PUS1: variants seen among roughly 807,000 people sequenced by gnomAD.
PUS1 encodes the protein pseudouridylate synthase 1 homolog.
Under a neutral mutation model 38.5 loss-of-function variants are expected in PUS1, and 25 were observed. The observed-to-expected ratio is 0.65, with a 90% CI of 0.47 to 0.91. The LOEUF is 0.91. PUS1 is among the 40% of genes least tolerant of loss of function. The probability of loss-of-function intolerance (pLI) is 0.00; values close to 1 mark genes in which losing one functional copy is unlikely to be tolerated. For synonymous variants in PUS1, 282 were observed against 260.4 expected, an observed-to-expected ratio of 1.08 and a Z score of -0.80; for missense variants, 597 against 612.3, an observed-to-expected ratio of 0.97 and a Z score of 0.26.
At chr12:131,939,896 C>T (rs1193108165) in intron 4 of PUS1, among the ~76,000 whole-genome samples, 2 of 152,120 alleles carry the variant, frequency 1.3e-5, no homozygotes, top group Non-Finnish European at 2.9e-5. Flanking sequence ...CTGCCTTGGC[C>T]TCCCAGAAGC....
In PUS1 at chr12:131,930,010, G is replaced by C; in HGVS notation, c.178G>C (p.Glu60Gln). Residue 60 changes from glutamate (E) to glutamine (Q), a missense_variant, in exon 2 of 6, where the codon GAG (glutamate) becomes CAG (glutamine). By Grantham distance (29) the Glu-to-Gln change is conservative (BLOSUM62 2). Coordinates refer to ENST00000376649, the MANE Select transcript of PUS1 (RefSeq NM_025215.6). ...SGRAGGDRVW[E>Q]DGEHPAKKLK... ...CCGGGCCGGGGGCGACCGCGTCTGG[G>C]AGGACGGAGAACATCCGGCGAAGAA... The C allele has an allele frequency of 2.0e-6, 3 of 1,478,230 alleles. No individual in the cohort carries two copies. Among genetic ancestry groups the C allele is most frequent in the Non-Finnish European group, 2.7e-6 (3 of 1,121,976 alleles). The allele number at this position is 1,478,230 out of a possible 1,614,324, so 91.6% of individuals were successfully genotyped here.
chr12:131,935,722 G>A (rs1222194907), intron 3 of PUS1, among the ~76,000 whole-genome samples: 1 of 151,744 alleles, frequency 6.6e-6, no homozygotes, highest in Non-Finnish European at 1.5e-5. Context: ...TAGTAGAGAT[G>A]GGGTTTCTCC....
At chr12:131,931,116 C>T (rs1218179714) in intron 2 of PUS1, among the ~76,000 whole-genome samples, 2 of 152,184 alleles carry the variant, frequency 1.3e-5, no homozygotes, top group Non-Finnish European at 2.9e-5. Context: ...TGCTTAACTT[C>T]GGCAGTTGTT....
At chr12:131,935,464 G>A (rs11613559) in intron 3 of PUS1, among the ~76,000 whole-genome samples, 91,061 of 152,144 alleles carry the variant, frequency 0.6, 30,639 homozygotes, top group Non-Finnish European at 0.77. Context: ...CCATTAGGCC[G>A]GCACGGTCAC....
At chr12:131,938,992 C>T (rs1176818299) in intron 3 of PUS1, among the ~76,000 whole-genome samples, 181 bp from the exon 4 acceptor site, 3 of 152,242 alleles carry the variant, frequency 2.0e-5, no homozygotes, top group African/African-American at 4.8e-5. Flanking sequence ...CCACCCGCCT[C>T]GGCCTCCCAA....
intron 3 of PUS1, among the ~76,000 whole-genome samples, chr12:131,934,056 G>A (rs1297565688): frequency 2.0e-5 from 3 of 152,322 alleles, no homozygotes; most frequent in Non-Finnish European, 4.4e-5. Flanking sequence ...GACAGCATAC[G>A]TCAGCATTTC....
In PUS1 at chr12:131,939,295, C is replaced by A; in HGVS notation, c.544+20C>A. The A allele has an allele frequency of 6.9e-7, 1 of 1,445,592 alleles. No homozygotes were observed. Among genetic ancestry groups the A allele is most frequent in the Non-Finnish European group, 9.5e-7 (1 of 1,049,810 alleles). 89.5% of individuals were successfully genotyped at this position (1,445,592 alleles called of 1,614,324 possible). A position where few individuals can be genotyped will look rare whatever the true frequency, so the allele number is the denominator to read the frequency against. On this transcript the variant is annotated intron_variant, in intron 4 of 5. Transcript: ENST00000376649. ...TTCTGGGTAAGCCTTGCAGTGCAGG[C>A]GGCCACACACCTGGTTGTAGATGGT...
At position 131,939,083 on chromosome 12, in the gene PUS1, C is replaced by T. The variant is rs562345165; in HGVS notation, c.442-90C>T. 115 of 835,058 alleles carry T rather than the reference C, an allele frequency of 1.4e-4. 3 individuals are homozygous for T. The East Asian group carries it at 1.8e-3, about 13-fold the overall frequency. 51.7% of individuals were successfully genotyped at this position (835,058 alleles called of 1,614,324 possible). A position where few individuals can be genotyped will look rare whatever the true frequency, so the allele number is the denominator to read the frequency against. ...ACAGCTGAATTCATGTGTGAAATGA[C>T]GTAAGGTCCGCGTAGTCCTTCTTTC... On this transcript the variant is annotated intron_variant, in intron 3 of 5. Transcript: ENST00000376649.
At chr12:131,940,588 T>C (rs1374743809) in intron 4 of PUS1, among the ~76,000 whole-genome samples, 2 of 152,118 alleles carry the variant, frequency 1.3e-5, no homozygotes, top group East Asian at 1.9e-4. Flanking sequence ...TTTATTTTTA[T>C]ATTTTTTATG....
Position 131,943,318 on chromosome 12 carries a change from C to T in PUS1, c.1237-221C>T, listed in dbSNP as rs1891169650. ...TGCGACCTGTGAGGATGTGAAGGAG[C>T]CCAACAAAGGCCCCTCTAGTGTCCC... On this transcript the variant is annotated intron_variant, in intron 5 of 5. Coordinates refer to ENST00000376649, the MANE Select transcript of PUS1 (RefSeq NM_025215.6). Among the ~76,000 whole-genome samples the T allele has an allele frequency of 3.9e-5, 6 of 152,210 alleles. No homozygotes were observed. The South Asian group carries it at 1.2e-3, about 32-fold the overall frequency.
rs1227405056 is a variant in PUS1 at position 131,929,590 on chromosome 12, A to C, written c.-133A>C. 6.9e-6 allele frequency: 5 copies of C among 726,916 alleles called. No homozygotes were observed. The highest frequency in any genetic ancestry group is 1.0e-5 in the Non-Finnish European group (5 of 488,630). The allele number at this position is 726,916 out of a possible 1,614,324, so 45.0% of individuals were successfully genotyped here. ...AGGGGCTGGGGCGCCGGTTTCCCGGAGGTCAGGGGTCAGAAGGAACAGGGC... is the reference window on the plus strand; with the variant it reads ...AGGGGCTGGGGCGCCGGTTTCCCGGCGGTCAGGGGTCAGAAGGAACAGGGC... On this transcript the variant is annotated 5_prime_UTR_variant, in exon 1 of 6. Coordinates refer to ENST00000376649, the MANE Select transcript of PUS1 (RefSeq NM_025215.6).
At chr12:131,936,563 CAAAAA>C (rs1169949345) in intron 3 of PUS1, among the ~76,000 whole-genome samples, 1 of 139,528 alleles carries the variant, frequency 7.2e-6, no homozygotes, top group African/African-American at 3.2e-5. Flanking sequence ...AACTCCGTCT[CAAAAA>C]ACAAAACAAA....
At position 131,945,695 on chromosome 12, in the gene PUS1, C is replaced by T. The variant is rs1891261374; in HGVS notation, c.*2109C>T. The T allele has an allele frequency of 6.6e-6, 1 of 152,184 alleles. No individual in the cohort carries two copies. Among genetic ancestry groups the T allele is most frequent in the East Asian group, 1.9e-4 (1 of 5,186 alleles). 9.4% of individuals were successfully genotyped at this position (152,184 alleles called of 1,614,324 possible). ...TATTTTTGGTAGAGACAGGGTTTCA[C>T]CATGTTGGTCAGGCTGGTCTCAAAC... is the stretch of plus-strand genomic sequence containing the variant. On this transcript the variant is annotated 3_prime_UTR_variant, in exon 6 of 6. Transcript: ENST00000376649.
chr12:131,929,580 G>A lies in PUS1; in HGVS notation c.-143G>A. ...TCAGCTGGAGAGGGGCTGGGGCGCCGGTTTCCCGGAGGTCAGGGGTCAGAA... is the reference window on the plus strand; with the variant it reads ...TCAGCTGGAGAGGGGCTGGGGCGCCAGTTTCCCGGAGGTCAGGGGTCAGAA... On this transcript the variant is annotated 5_prime_UTR_variant, in exon 1 of 6. Transcript: ENST00000376649. The A allele has an allele frequency of 1.5e-6, 1 of 686,766 alleles. No homozygotes were observed. Among genetic ancestry groups the A allele is most frequent in the Non-Finnish European group, 2.3e-6 (1 of 441,744 alleles). 42.5% of individuals were successfully genotyped at this position (686,766 alleles called of 1,614,324 possible).
In PUS1 at chr12:131,941,866, C is replaced by T. The variant is rs1269008927; in HGVS notation, c.1119C>T (p.Ile373=). 1 of 1,613,796 alleles carries T rather than the reference C, an allele frequency of 6.2e-7. No homozygotes were observed. Among genetic ancestry groups the T allele is most frequent in the East Asian group, 2.2e-5 (1 of 44,896 alleles). Residue 373 remains isoleucine (I), a synonymous_variant, in exon 5 of 6, where the codon ATC becomes ATT. Coordinates refer to ENST00000376649, the MANE Select transcript of PUS1 (RefSeq NM_025215.6). The surrounding 1 kb of genome is among the most constrained non-coding windows in gnomAD (Gnocchi z 4.4). ...TCGCAGCCTTCAAGGAGGAGCACATCTACCCCACCATCATCGGCACCGAGC... is the reference window on the plus strand; with the variant it reads ...TCGCAGCCTTCAAGGAGGAGCACATTTACCCCACCATCATCGGCACCGAGC... ...GKVAAFKEEH[I]YPTIIGTERD...
Position 131,929,673 on chromosome 12 carries a change from G to C in PUS1, c.-50G>C. 1 of 1,484,742 alleles carries C rather than the reference G, an allele frequency of 6.7e-7. No individual in the cohort carries two copies. The highest frequency in any genetic ancestry group is 1.3e-5 in the South Asian group (1 of 78,726). 92.0% of individuals were successfully genotyped at this position (1,484,742 alleles called of 1,614,324 possible). A position where few individuals can be genotyped will look rare whatever the true frequency, so the allele number is the denominator to read the frequency against. On this transcript the variant is annotated 5_prime_UTR_variant, in exon 1 of 6. Transcript: ENST00000376649. ...GCAGAGGCGGAGCTGGGGCACTGGG[G>C]GTCAGGGGTCGGGGATCAGGGCGGG... is the stretch of plus-strand genomic sequence containing the variant.
At chr12:131,939,661 T>C (rs1217919020) in intron 4 of PUS1, among the ~76,000 whole-genome samples, 2 of 152,184 alleles carry the variant, frequency 1.3e-5, no homozygotes, top group African/African-American at 4.8e-5. Context: ...ATTCATTTAT[T>C]CTGTTTGTTT....
At chr12:131,938,459 C>G (rs929567614) in intron 3 of PUS1, among the ~76,000 whole-genome samples, 2 of 152,018 alleles carry the variant, frequency 1.3e-5, no homozygotes, top group Admixed American at 6.6e-5. Context: ...AAGAACCCAA[C>G]AAAAAATCTA....
In PUS1 at chr12:131,941,384, A is replaced by G. The variant is rs746648228; in HGVS notation, c.637A>G (p.Lys213Glu). Residue 213 changes from lysine (K) to glutamate (E), a missense_variant, in exon 5 of 6, where the codon AAG becomes GAG. Transcript: ENST00000376649. The surrounding 1 kb of genome is among the most constrained non-coding windows in gnomAD (Gnocchi z 4.4). ...GCTGCCCACGTTTGCCTTTGCGCAC[A>G]AGGACCGGGACGTTCAGGATGAGAC... ...YLLPTFAFAH[K>E]DRDVQDETYR... 2 of 1,614,232 alleles carry G rather than the reference A, an allele frequency of 1.2e-6. No homozygotes were observed. The highest frequency in any genetic ancestry group is 1.7e-5 in the Admixed American group (1 of 60,032).
Sources: allele counts gnomAD v4.1 joint callset (sites outside exome capture counted in the v4.1 genomes callset), GRCh38; gene constraint gnomAD v4.1.1; non-coding constraint Gnocchi (gnomAD v3.1); transcripts MANE v1.5; gene names NCBI Gene and HGNC (gene_info 2026-07-23, HGNC 2026-07-21).